The following AGTPBP1 variants were observed in gnomAD, a reference collection of about 807,000 sequenced individuals.
AGTPBP1 encodes cytosolic carboxypeptidase 1.
In AGTPBP1, 70 loss-of-function variants were observed where a neutral mutation model predicts 143.9. That is an observed-to-expected ratio of 0.49 (90% CI 0.40 to 0.59). The LOEUF (loss-of-function observed/expected upper bound fraction) is 0.59, where lower values mean the gene tolerates loss of function less well. AGTPBP1 is among the 20% of genes least tolerant of loss of function. The probability of loss-of-function intolerance (pLI) is 0.00; values close to 1 mark genes in which losing one functional copy is unlikely to be tolerated. For synonymous variants in AGTPBP1, 463 were observed against 500.2 expected (o/e 0.93, Z 0.99); for missense variants, 1,229 against 1,464.5 (o/e 0.84, Z 2.62).
At chr9:85,667,331 A>T (rs762152054) in intron 8 of AGTPBP1, among the ~76,000 whole-genome samples, 1 of 152,178 alleles carries the variant, frequency 6.6e-6, no homozygotes, top group Admixed American at 6.5e-5. Context: ...GGGTGAAAAC[A>T]CTGGAAATGT....
chr9:85,648,335 T>C (rs866486229), intron 11 of AGTPBP1, among the ~76,000 whole-genome samples: 6 of 152,184 alleles, frequency 3.9e-5, no homozygotes, highest in South Asian at 4.1e-4. Flanking sequence ...CCCTAACTAA[T>C]ACAGGTACAA....
chr9:85,594,434 C>T (rs913618434), intron 18 of AGTPBP1, among the ~76,000 whole-genome samples: 4 of 151,974 alleles, frequency 2.6e-5, no homozygotes, highest in African/African-American at 9.7e-5. Context: ...ACAAAAAATA[C>T]AAAATTAGCC....
the AGTPBP1 span, among the ~76,000 whole-genome samples, chr9:85,776,054 A>T: frequency 2.0e-5 from 3 of 152,190 alleles, no homozygotes; most frequent in Non-Finnish European, 4.4e-5. Flanking sequence ...TCAAATAAAG[A>T]CAATAATAAG....
chr9:85,739,431 G>A (rs996098843), intron 1 of AGTPBP1, among the ~76,000 whole-genome samples: 3 of 152,120 alleles, frequency 2.0e-5, no homozygotes, highest in Non-Finnish European at 2.9e-5. Flanking sequence ...AGGCCAGGAC[G>A]GGCGTGGTGG....
In AGTPBP1 at chr9:85,632,792, G is replaced by A; in HGVS notation, c.1885C>T (p.Leu629Phe). Reference sequence around the variant, plus strand: ...GTATTTTTCACAATCTCAATATAGAGGTCTGGGTCATGGAGTGTTGGTCCA... The same window carrying A: ...GTATTTTTCACAATCTCAATATAGAAGTCTGGGTCATGGAGTGTTGGTCCA... ...PDGPTLHDPD[L>F]YIEIVKNTKS... is the part of the protein sequence containing the mutation. Residue 629 changes from leucine (L) to phenylalanine (F), a missense_variant, in exon 14 of 26, where the codon CTC (leucine) becomes TTC (phenylalanine). Transcript: ENST00000357081. The A allele has an allele frequency of 6.2e-7, 1 of 1,614,116 alleles. No homozygotes were observed. The highest frequency in any genetic ancestry group is 1.1e-5 in the South Asian group (1 of 91,080).
intron 1 of AGTPBP1, among the ~76,000 whole-genome samples, chr9:85,738,896 G>A (rs950612817): frequency 1.3e-5 from 2 of 151,824 alleles, no homozygotes; most frequent in African/African-American, 2.4e-5. Context: ...TTTGAAGACT[G>A]AGGAAGAGCA....
rs1335481836 is a variant in AGTPBP1 at position 85,705,906 on chromosome 9, GGTCTCGATCTCCTGACCTTGT to G, written c.32+6575_32+6595del. On this transcript the variant is annotated intron_variant, in intron 2 of 25. Coordinates refer to ENST00000357081, the MANE Select transcript of AGTPBP1 (RefSeq NM_001330701.2). ...GGGGTTTCACCATGTTAGCCAGGAT[GGTCTCGATCTCCTGACCTTGT>G]GATCCGCCCGCCTCGGCCTCCCAAA... 1.4e-4 allele frequency among the ~76,000 whole-genome samples: 21 copies of G among 152,038 alleles called. No homozygotes were observed. In the South Asian group the frequency reaches 4.2e-3, roughly 30 times the overall value.
Position 85,638,958 on chromosome 9 carries a change from A to G in AGTPBP1, c.1302+3869T>C, listed in dbSNP as rs1159648191. Among the ~76,000 whole-genome samples the G allele has an allele frequency of 2.6e-5, 4 of 152,074 alleles. No homozygotes were observed. The South Asian group carries it at 6.2e-4, about 24-fold the overall frequency. On this transcript the variant is annotated intron_variant, in intron 13 of 25. Transcript: ENST00000357081. Reference sequence around the variant, plus strand: ...AACTTAACTTCTCAACACAATTAACAATCTTGTCCTAATAGGCAAATAGAC... The same window carrying G: ...AACTTAACTTCTCAACACAATTAACGATCTTGTCCTAATAGGCAAATAGAC...
intron 2 of AGTPBP1, among the ~76,000 whole-genome samples, chr9:85,709,309 T>A (rs1837216353): frequency 1.3e-5 from 2 of 152,128 alleles, no homozygotes; most frequent in Admixed American, 1.3e-4. Context: ...TACTAGAATA[T>A]AAGAGAATTT....
At chr9:85,768,075 A>T in the AGTPBP1 span, among the ~76,000 whole-genome samples, 2 of 152,232 alleles carry the variant, frequency 1.3e-5, no homozygotes, top group African/African-American at 4.8e-5. Flanking sequence ...ATAGTTACCC[A>T]TTGCCACGTA....
At position 85,572,004 on chromosome 9, in the gene AGTPBP1, G is replaced by GTTTTTTTTTTTTTTTTTTTTTTTT. The variant is rs55882437; in HGVS notation, c.3503+3287_3503+3310dup. Among the ~76,000 whole-genome samples the GTTTTTTTTTTTTTTTTTTTTTTTT allele has an allele frequency of 9.2e-5, 4 of 43,496 alleles. 1 individual carries two copies. Among genetic ancestry groups the GTTTTTTTTTTTTTTTTTTTTTTTT allele is most frequent in the Non-Finnish European group, 1.0e-4 (2 of 19,984 alleles). The allele number at this position is 43,496 out of a possible 152,430, so 28.5% of individuals were successfully genotyped here. ...TGGCCATTATTAGTTGTTTGTGTGT[G>GTTTTTTTTTTTTTTTTTTTTTTTT]TTTTTTTTTTTTTTTTTTTTTTTTT... On this transcript the variant is annotated intron_variant, in intron 25 of 25. Coordinates refer to ENST00000357081, the MANE Select transcript of AGTPBP1 (RefSeq NM_001330701.2).
chr9:85,670,334 C>T (rs370803274), intron 7 of AGTPBP1, among the ~76,000 whole-genome samples: 3 of 152,150 alleles, frequency 2.0e-5, no homozygotes, highest in African/African-American at 7.2e-5. Flanking sequence ...GCAAAAGGAA[C>T]ATATCAGATG....
At chr9:85,719,120 TC>T (rs1837929663) in intron 1 of AGTPBP1, among the ~76,000 whole-genome samples, 2 of 152,180 alleles carry the variant, frequency 1.3e-5, no homozygotes, top group African/African-American at 2.4e-5. Context: ...CCAGCTTTGT[TC>T]TTTTGGCTTA....
At chr9:85,764,461 C>T in the AGTPBP1 span, among the ~76,000 whole-genome samples, 1 of 151,942 alleles carries the variant, frequency 6.6e-6, no homozygotes. Flanking sequence ...ACCTGGGAAG[C>T]GAAGGTTGCA....
chr9:85,550,933 G>T (rs1432251674), intron 25 of AGTPBP1, among the ~76,000 whole-genome samples: 3 of 152,096 alleles, frequency 2.0e-5, no homozygotes, highest in African/African-American at 7.2e-5. Context: ...GAAATGTAAT[G>T]CCCAGTGTCA....
chr9:85,746,642 G>C (rs932790728), upstream of AGTPBP1, among the ~76,000 whole-genome samples: 5 of 151,928 alleles, frequency 3.3e-5, no homozygotes, highest in African/African-American at 1.2e-4. Flanking sequence ...CAAAAAGAAA[G>C]AGTGGGGGGA....
At chr9:85,676,836 C>A (rs1268633981) in intron 6 of AGTPBP1, among the ~76,000 whole-genome samples, 1 of 152,094 alleles carries the variant, frequency 6.6e-6, no homozygotes, top group African/African-American at 2.4e-5. Context: ...TTTATTTACA[C>A]AATAGAATAC....
chr9:85,719,975 G>A (rs138479993), intron 1 of AGTPBP1, among the ~76,000 whole-genome samples: 2,261 of 152,248 alleles, frequency 0.015, 24 homozygotes, highest in Middle Eastern at 0.037. Flanking sequence ...ATTGATTTGC[G>A]TATGTTGAAC....
chr9:85,780,591 A>C, the AGTPBP1 span, among the ~76,000 whole-genome samples: 1 of 152,106 alleles, frequency 6.6e-6, no homozygotes, highest in Admixed American at 6.6e-5. Context: ...AAAACACCTT[A>C]CTTCTGGTGT....
Sources: gnomAD v4.1 joint callset for allele counts (sites outside exome capture counted in the v4.1 genomes callset) on GRCh38, gnomAD v4.1.1 for gene constraint, MANE v1.5 for transcripts, NCBI Gene and HGNC (gene_info 2026-07-23, HGNC 2026-07-21) for gene names.